GREM2: variants seen among roughly 807,000 people sequenced by gnomAD.
The protein encoded by GREM2 is gremlin 2, DAN family BMP antagonist.
Under a neutral mutation model 14.2 loss-of-function variants are expected in GREM2, and 11 were observed. The observed-to-expected ratio is 0.78, with a 90% CI of 0.49 to 1.28. The LOEUF is 1.28. Among genes scored for constraint, GREM2 ranks in the 50% most tolerant of loss-of-function variants. The pLI is 0.00. For missense variants in GREM2, 210 were observed against 218.5 expected (o/e 0.96, Z 0.24); for synonymous variants, 98 against 97.6 (o/e 1.00, Z -0.02).
intron 1 of GREM2, among the ~76,000 whole-genome samples, chr1:240,544,400 G>C (rs929939111): frequency 6.6e-6 from 1 of 152,076 alleles, no homozygotes. Context: ...GCCCGCCTTG[G>C]CCTCCCAAAG....
At chr1:240,602,996 C>T (rs375821686) in intron 1 of GREM2, among the ~76,000 whole-genome samples, 37 of 152,156 alleles carry the variant, frequency 2.4e-4, no homozygotes, top group African/African-American at 8.9e-4. Context: ...TGGCGTGAAC[C>T]CGGGAGGTGG....
In GREM2 at chr1:240,593,002, G is replaced by T. The variant is rs572995086; in HGVS notation, c.-2+18882C>A. 6.4e-4 allele frequency among the ~76,000 whole-genome samples: 97 copies of T among 151,286 alleles called. 1 individual carries two copies. The highest frequency in any genetic ancestry group is 2.1e-3 in the African/African-American group (87 of 41,040). ...TACAAAAAAAAAAAAAAAATTAGCC[G>T]GCATGGTAGTGGGCGCCTGTAATCC... is the stretch of plus-strand genomic sequence containing the variant. On this transcript the variant is annotated intron_variant, in intron 1 of 1. Transcript: ENST00000318160.
At chr1:240,518,061 T>G (rs1677989595) in intron 1 of GREM2, among the ~76,000 whole-genome samples, 1 of 152,290 alleles carries the variant, frequency 6.6e-6, no homozygotes, top group East Asian at 1.9e-4. Flanking sequence ...ATAGCGTCAA[T>G]CAAAGGCATT....
rs931945028 is a variant in GREM2, at chr1:240,542,508, G to A, written c.-1-49032C>T. ...TGCGCACCTGTAGTCCCAGCTACTC[G>A]GGAGGCTGAGGCAGGAGAATCGCTT... On this transcript the variant is annotated intron_variant, in intron 1 of 1. Transcript: ENST00000318160. The surrounding 1 kb of genome is among the most constrained non-coding windows in gnomAD (Gnocchi z 4.1). Among the ~76,000 whole-genome samples, 3 of 151,664 alleles carry A rather than the reference G, an allele frequency of 2.0e-5. No individual in the cohort carries two copies. The highest frequency in any genetic ancestry group is 1.9e-4 in the East Asian group (1 of 5,146).
chr1:240,493,552 T>TAA lies in GREM2; in HGVS notation c.-1-77_-1-76insTT, dbSNP rs34695275. 42 of 1,415,074 alleles carry TAA rather than the reference T, an allele frequency of 3.0e-5. No homozygotes were observed. The South Asian group carries it at 4.5e-4, about 15-fold the overall frequency. The allele number at this position is 1,415,074 out of a possible 1,614,324, so 87.7% of individuals were successfully genotyped here. ...GATCAATCTTACTTATTTTTTTTTTTATTTTAGACATGGTCTGGCTCTGTT... is the reference window on the plus strand; with the variant it reads ...GATCAATCTTACTTATTTTTTTTTTTAAATTTTAGACATGGTCTGGCTCTGTT... On this transcript the variant is annotated intron_variant, in intron 1 of 1. Transcript: ENST00000318160.
intron 1 of GREM2, among the ~76,000 whole-genome samples, chr1:240,589,589 G>A (rs1003275149): frequency 3.9e-5 from 6 of 152,034 alleles, no homozygotes; most frequent in African/African-American, 1.5e-4. Context: ...ACCTAAGGGT[G>A]CCTTGTTCCT....
intron 1 of GREM2, among the ~76,000 whole-genome samples, chr1:240,497,987 G>A (rs950881495): frequency 2.6e-5 from 4 of 152,264 alleles, no homozygotes; most frequent in Admixed American, 2.6e-4. Flanking sequence ...GAGTCAGTCT[G>A]GTCCTCAATT....
intron 1 of GREM2, among the ~76,000 whole-genome samples, chr1:240,537,422 T>G (rs1345899599): frequency 6.6e-6 from 1 of 151,950 alleles, no homozygotes; most frequent in Non-Finnish European, 1.5e-5. Context: ...GATGGACACT[T>G]AAGAAGTGTA....
intron 1 of GREM2, among the ~76,000 whole-genome samples, chr1:240,584,733 G>A (rs1679557742): frequency 6.6e-6 from 1 of 151,826 alleles, no homozygotes; most frequent in Admixed American, 6.6e-5. Flanking sequence ...AAAAAGCAAT[G>A]CAGTATAACA....
chr1:240,492,125 T>C lies in GREM2; in HGVS notation c.*844A>G. The C allele has an allele frequency of 2.8e-6, 1 of 355,132 alleles. No homozygotes were observed. Among genetic ancestry groups the C allele is most frequent in the East Asian group, 7.8e-5 (1 of 12,746 alleles). 22.0% of individuals were successfully genotyped at this position (355,132 alleles called of 1,614,324 possible). A position where few individuals can be genotyped will look rare whatever the true frequency, so the allele number is the denominator to read the frequency against. ...AATACATGAATAGGTCTATAATACT[T>C]TTTAACAGCTCTTTACAATATACGG... On this transcript the variant is annotated 3_prime_UTR_variant, in exon 2 of 2. Transcript: ENST00000318160.
chr1:240,603,998 C>T (rs1050352528), intron 1 of GREM2, among the ~76,000 whole-genome samples: 3 of 151,168 alleles, frequency 2.0e-5, no homozygotes, highest in African/African-American at 7.3e-5. Context: ...CTAATGAGGG[C>T]CTTAACAGGC....
At chr1:240,592,693 C>T (rs1679735367) in intron 1 of GREM2, among the ~76,000 whole-genome samples, 1 of 152,144 alleles carries the variant, frequency 6.6e-6, no homozygotes, top group Admixed American at 6.6e-5. Context: ...CAGAGACAGG[C>T]AGCCTTCAAT....
intron 1 of GREM2, among the ~76,000 whole-genome samples, chr1:240,592,171 T>G (rs1310981932): frequency 6.6e-6 from 1 of 152,216 alleles, no homozygotes; most frequent in Non-Finnish European, 1.5e-5. Context: ...CTTCTAAAAT[T>G]TAATTTCATC....
At chr1:240,563,094 C>A (rs1306023551) in intron 1 of GREM2, among the ~76,000 whole-genome samples, 4 of 87,926 alleles carry the variant, frequency 4.5e-5, no homozygotes, top group African/African-American at 8.6e-5. Flanking sequence ...TGTGTGTATG[C>A]GTGTATGTGT....
At chr1:240,592,539 C>T (rs1200323498) in intron 1 of GREM2, among the ~76,000 whole-genome samples, 2 of 152,134 alleles carry the variant, frequency 1.3e-5, no homozygotes, top group African/African-American at 4.8e-5. Context: ...TGACAGATTC[C>T]TTGACTGGAT....
intron 1 of GREM2, among the ~76,000 whole-genome samples, chr1:240,575,824 G>T (rs1572406271): frequency 6.7e-6 from 1 of 148,378 alleles, no homozygotes; most frequent in Non-Finnish European, 1.5e-5. Flanking sequence ...CCCAGCACAA[G>T]ATTCAGTTTT....
rs909404997 is a variant in GREM2, at chr1:240,492,712, T to C, written c.*257A>G. Reference sequence around the variant, plus strand: ...GGGTGGCGGTGGTGGTTTTCCAGCATTTTCCTTCGGGCCTGATCCACCGCC... The same window carrying C: ...GGGTGGCGGTGGTGGTTTTCCAGCACTTTCCTTCGGGCCTGATCCACCGCC... On this transcript the variant is annotated 3_prime_UTR_variant, in exon 2 of 2. Coordinates refer to ENST00000318160, the MANE Select transcript of GREM2 (RefSeq NM_022469.4). The C allele has an allele frequency of 3.4e-6, 1 of 296,372 alleles. No homozygotes were observed. The highest frequency in any genetic ancestry group is 6.2e-6 in the Non-Finnish European group (1 of 162,114). The allele number at this position is 296,372 out of a possible 1,614,324, so 18.4% of individuals were successfully genotyped here. A position where few individuals can be genotyped will look rare whatever the true frequency, so the allele number is the denominator to read the frequency against.
chr1:240,556,729 G>T (rs1406145333), intron 1 of GREM2, among the ~76,000 whole-genome samples: 1 of 152,044 alleles, frequency 6.6e-6, no homozygotes, highest in Non-Finnish European at 1.5e-5. Context: ...AAATAAAACA[G>T]CAAGGAATAA....
intron 1 of GREM2, among the ~76,000 whole-genome samples, chr1:240,533,815 G>C (rs1350280791): frequency 6.6e-6 from 1 of 152,198 alleles, no homozygotes; most frequent in Non-Finnish European, 1.5e-5. Flanking sequence ...GATGGTGACT[G>C]CTTCCATTAT....
Sources: gnomAD v4.1 joint callset for allele counts (sites outside exome capture counted in the v4.1 genomes callset) on GRCh38, gnomAD v4.1.1 for gene constraint, Gnocchi (gnomAD v3.1) non-coding constraint, MANE v1.5 for transcripts, NCBI Gene and HGNC (gene_info 2026-07-23, HGNC 2026-07-21) for gene names.